Variants in DNAH10 observed in about 807,000 individuals in gnomAD.
The protein encoded by DNAH10 is axonemal beta dynein heavy chain 10.
Under a neutral mutation model 506.6 loss-of-function variants are expected in DNAH10, and 348 were observed. The observed-to-expected ratio is 0.69, with a 90% CI of 0.63 to 0.75. DNAH10 has a LOEUF of 0.75. DNAH10 is among the 30% of genes least tolerant of loss of function. DNAH10 has a pLI of 0.00. For synonymous variants in DNAH10, 2,059 were observed against 2,198.6 expected (o/e 0.94, Z 1.78); for missense variants, 5,179 against 5,787.1 (o/e 0.89, Z 3.41).
intron 24 of DNAH10, among the ~76,000 whole-genome samples, chr12:123,823,519 A>C (rs1959642223): frequency 6.6e-6 from 1 of 152,188 alleles, no homozygotes; most frequent in African/African-American, 2.4e-5. Context: ...CCAGGCAAAA[A>C]ATTCATAAAG....
At chr12:123,856,304 G>A (rs968300847) in intron 36 of DNAH10, among the ~76,000 whole-genome samples, 1 of 148,820 alleles carries the variant, frequency 6.7e-6, no homozygotes, top group African/African-American at 2.5e-5. Context: ...ATATGTATGT[G>A]TATATATATG....
At chr12:123,899,581 A>G (rs1404709378) in intron 56 of DNAH10, among the ~76,000 whole-genome samples, 1 of 152,196 alleles carries the variant, frequency 6.6e-6, no homozygotes, top group Non-Finnish European at 1.5e-5. Flanking sequence ...TGGTGTTGGC[A>G]AACTGCCTCT....
chr12:123,872,893 A>G (rs1234596576), intron 45 of DNAH10, among the ~76,000 whole-genome samples: 1 of 152,230 alleles, frequency 6.6e-6, no homozygotes, highest in Non-Finnish European at 1.5e-5. Context: ...TGTGTGGCAC[A>G]AACCCTGCAG....
At position 123,846,082 on chromosome 12, in the gene DNAH10, C is replaced by CA; in HGVS notation, c.5742_5743insA (p.Glu1915ArgfsTer88). On this transcript the variant is annotated frameshift_variant, in exon 32 of 79. Coordinates refer to ENST00000673944, the MANE Select transcript of DNAH10 (RefSeq NM_001372106.1). LOFTEE classifies it high-confidence loss of function. The surrounding 1 kb of genome is among the most constrained non-coding windows in gnomAD (Gnocchi z 4.5). ...GCACGGGAACCTTTGGCTACGGCTACGAGTACATGGGCCTGAACGGCAGGC... is the reference window on the plus strand; with the variant it reads ...GCACGGGAACCTTTGGCTACGGCTACAGAGTACATGGGCCTGAACGGCAGGC... The CA allele has an allele frequency of 6.2e-7, 1 of 1,613,948 alleles. No homozygotes were observed. Among genetic ancestry groups the CA allele is most frequent in the South Asian group, 1.1e-5 (1 of 91,086 alleles).
In DNAH10 at chr12:123,857,039, T is replaced by G; in HGVS notation, c.6439-17T>G. On this transcript the variant is annotated splice_polypyrimidine_tract_variant and intron_variant, in intron 36 of 78. Transcript: ENST00000673944. The stretch of plus-strand genomic sequence containing the variant: ...CCTTTGGAAATCTCTTGGAAACATG[T>G]GTTTCATTTCCTGCAGGACGTGGTG... The G allele has an allele frequency of 6.3e-7, 1 of 1,594,828 alleles. No homozygotes were observed. Among genetic ancestry groups the G allele is most frequent in the South Asian group, 1.1e-5 (1 of 87,674 alleles).
In DNAH10 at chr12:123,898,799, G is replaced by T. The variant is rs185819487; in HGVS notation, c.9625G>T (p.Val3209Phe). Residue 3209 changes from valine (V) to phenylalanine (F), a missense_variant, in exon 56 of 79, where the codon GTC becomes TTC. By Grantham distance (50) the Val-to-Phe change is conservative. Coordinates refer to ENST00000673944, the MANE Select transcript of DNAH10 (RefSeq NM_001372106.1). ...CGAGGCCTTGCTGGAGGAGATCGCCGTCAACACCGCTGTAGGTGAGTGAGG... is the reference window on the plus strand; with the variant it reads ...CGAGGCCTTGCTGGAGGAGATCGCCTTCAACACCGCTGTAGGTGAGTGAGG... The part of the protein sequence containing the change: ...ACEALLEEIA[V>F]NTAVAEEKKK... 6.2e-7 allele frequency: 1 copy of T among 1,609,818 alleles called. No homozygotes were observed. Among genetic ancestry groups the T allele is most frequent in the East Asian group, 2.2e-5 (1 of 44,804 alleles).
Position 123,925,408 on chromosome 12 carries a change from C to A in DNAH10, c.11921+204C>A. The A allele has an allele frequency of 1.7e-6, 1 of 583,328 alleles. No individual in the cohort carries two copies. Among genetic ancestry groups the A allele is most frequent in the African/African-American group, 1.9e-5 (1 of 52,852 alleles). 36.1% of individuals were successfully genotyped at this position (583,328 alleles called of 1,614,324 possible). ...GTCATAAGAAATTCAGTGTGAGCCACATATGCAGTTTCGAAAGTTCTAGTA... is the reference window on the plus strand; with the variant it reads ...GTCATAAGAAATTCAGTGTGAGCCAAATATGCAGTTTCGAAAGTTCTAGTA... On this transcript the variant is annotated intron_variant, in intron 68 of 78. Transcript: ENST00000673944. The surrounding 1 kb of genome is among the most constrained non-coding windows in gnomAD (Gnocchi z 4.0).
chr12:123,917,562 G>T lies in DNAH10; in HGVS notation c.11003-22G>T. 6.5e-7 allele frequency: 1 copy of T among 1,548,226 alleles called. No individual in the cohort carries two copies. On this transcript the variant is annotated intron_variant, in intron 63 of 78. Transcript: ENST00000673944. The surrounding 1 kb of genome is among the most constrained non-coding windows in gnomAD (Gnocchi z 5.6). ...GTTGTTGGGGGCCGCAGGTGGTGAG[G>T]GCCTCTCACTGTCCCCCACAGTCAC...
chr12:123,861,319 G>A (rs965772503), intron 39 of DNAH10, 149 bp downstream of exon 39: 6 of 1,033,942 alleles, frequency 5.8e-6, no homozygotes, highest in Admixed American at 5.7e-5. Context: ...CTTCGGAAGT[G>A]CGCAGTCCAA....
chr12:123,818,158 G>A (rs1210074377), intron 21 of DNAH10, among the ~76,000 whole-genome samples: 4 of 151,994 alleles, frequency 2.6e-5, no homozygotes. Flanking sequence ...CGTTGGTCAG[G>A]CTGGTCTTGA....
intron 69 of DNAH10, chr12:123,927,676 T>A (rs1955007047): frequency 1.3e-5 from 2 of 152,510 alleles, no homozygotes; most frequent in Admixed American, 1.3e-4. Context: ...GTTGCAGGCA[T>A]GCGTGTTGGG....
intron 52 of DNAH10, 32 bp downstream of exon 52, chr12:123,887,345 A>G: frequency 6.2e-6 from 10 of 1,603,632 alleles, no homozygotes; most frequent in South Asian, 1.1e-5. Context: ...GCTGTGGCCA[A>G]CACCCCGCTC....
Position 123,903,000 on chromosome 12 carries a change from C to A in DNAH10, c.9702C>A (p.Val3234=). 6.3e-7 allele frequency: 1 copy of A among 1,599,306 alleles called. No individual in the cohort carries two copies. The highest frequency in any genetic ancestry group is 8.5e-7 in the Non-Finnish European group (1 of 1,173,144). The part of the protein sequence containing the change: ...KAMEIEEQNK[V]IAMEKAEAET... ...TGGAGATAGAGGAGCAGAACAAAGT[C>A]ATTGCCATGGAGAAGGCCGAGGCCG... The change falls in exon 57 of 79, where the codon GTC becomes GTA. Residue 3234 remains valine, a synonymous_variant. Coordinates refer to ENST00000673944, the MANE Select transcript of DNAH10 (RefSeq NM_001372106.1). This position sits in a 1 kb window ranked among gnomAD's most constrained non-coding sequence, Gnocchi z 4.5.
At chr12:123,873,466 T>G (rs901403208) in intron 45 of DNAH10, 92 bp from the exon 46 acceptor site, 3 of 1,481,010 alleles carry the variant, frequency 2.0e-6, no homozygotes, top group Admixed American at 4.7e-5. Context: ...GGCCAATGGA[T>G]TTGCAAAATA....
chr12:123,763,421 C>T (rs1316342331), intron 1 of DNAH10, among the ~76,000 whole-genome samples: 1 of 152,146 alleles, frequency 6.6e-6, no homozygotes, highest in Non-Finnish European at 1.5e-5. Flanking sequence ...TGTCCAGTCT[C>T]CTGGGCTACT....
chr12:123,814,016 A>G, intron 21 of DNAH10, 104 bp downstream of exon 21: 2 of 1,118,228 alleles, frequency 1.8e-6, no homozygotes, highest in Non-Finnish European at 2.5e-6. Context: ...TTGTTTTCAA[A>G]TAAGTGACTT....
intron 73 of DNAH10, 57 bp from the exon 74 acceptor site, chr12:123,931,284 C>G (rs1441810875): frequency 6.3e-7 from 1 of 1,598,672 alleles, no homozygotes; most frequent in African/African-American, 1.3e-5. Flanking sequence ...GGCTGTGGGC[C>G]CTGAGAAAGC....
chr12:123,783,963 C>T lies in DNAH10; in HGVS notation c.1016C>T (p.Ala339Val), dbSNP rs748276512. ...KKTPQGKGPLAEIEFWRERNA... is the reference protein window; with the variant it reads ...KKTPQGKGPLVEIEFWRERNA... ...ACCTCTCAGGGTAAAGGCCCTCTGG[C>T]TGAAATTGAATTCTGGAGGGAAAGA... The change falls in exon 8 of 79, where the codon GCT becomes GTT. Residue 339 changes from alanine to valine, a missense_variant. This residue lies in a region of DNAH10 where 4,844 missense variants were observed against 5,430.5 expected (regional missense o/e 0.89). Transcript: ENST00000673944. 1.2e-6 allele frequency: 2 copies of T among 1,614,184 alleles called. No homozygotes were observed. Among genetic ancestry groups the T allele is most frequent in the South Asian group, 2.2e-5 (2 of 91,080 alleles).
intron 37 of DNAH10, 77 bp from the exon 38 acceptor site, chr12:123,859,073 G>A (rs7314612): frequency 0.054 from 69,680 of 1,285,218 alleles, 2,194 homozygotes; most frequent in Non-Finnish European, 0.063. Flanking sequence ...ATTGTATGGC[G>A]TGTGTGTTGT....
Sources: gnomAD v4.1 joint callset for allele counts (sites outside exome capture counted in the v4.1 genomes callset) on GRCh38, gnomAD v4.1.1 for gene constraint, gnomAD v4.1.1 regional missense constraint, Gnocchi (gnomAD v3.1) non-coding constraint, MANE v1.5 for transcripts, NCBI Gene and HGNC (gene_info 2026-07-23, HGNC 2026-07-21) for gene names.